Variants in OSBPL3 observed in about 807,000 individuals in gnomAD.
OSBPL3 encodes the protein oxysterol binding protein like 3, also known as oxysterol-binding protein-related protein 3.
OSBPL3 carries 65 observed loss-of-function variants against 120.1 expected under a neutral mutation model. The ratio of observed to expected loss-of-function variants is 0.54; its 90% CI spans 0.44 to 0.67. OSBPL3 has a LOEUF of 0.67. OSBPL3 is among the 30% of genes least tolerant of loss of function. The probability of loss-of-function intolerance (pLI) is 0.00; values close to 1 mark genes in which losing one functional copy is unlikely to be tolerated. For missense variants in OSBPL3, 1,004 were observed against 1,082.1 expected (o/e 0.93, Z 1.01); for synonymous variants, 416 against 402.6 (o/e 1.03, Z -0.40).
At position 24,809,909 on chromosome 7, in the gene OSBPL3, C is replaced by T. The variant is rs2128114149; in HGVS notation, c.2215G>A (p.Val739Met). ...ACCGCTTTTCCACTCCTGTCAAACA[C>T]TGTGCCTTCAATCTCATGGGCATTA... Reference protein sequence around the residue: ...STNAHEIEGTVFDRSGKAVHR... With the variant: ...STNAHEIEGTMFDRSGKAVHR... Residue 739 changes from valine to methionine, a missense_variant, in exon 20 of 23, where the codon GTG becomes ATG. Val to Met is a conservative substitution (Grantham distance 21, BLOSUM62 1). Transcript: ENST00000313367. 6 of 1,614,190 alleles carry T rather than the reference C, an allele frequency of 3.7e-6. No homozygotes were observed. Among genetic ancestry groups the T allele is most frequent in the South Asian group, 2.2e-5 (2 of 91,086 alleles).
In OSBPL3 at chr7:24,863,627, C is replaced by A. The variant is rs761508852; in HGVS notation, c.674-28G>T. ...GTGGGGGAAAAGAGGACAGTGCTCA[C>A]AATGCTCCACTAGCAAGAGGGATCA... On this transcript the variant is annotated intron_variant, in intron 7 of 22. Transcript: ENST00000313367. This position sits in a 1 kb window ranked among gnomAD's most constrained non-coding sequence, Gnocchi z 5.8. 1 of 1,380,646 alleles carries A rather than the reference C, an allele frequency of 7.2e-7. No homozygotes were observed. Among genetic ancestry groups the A allele is most frequent in the Non-Finnish European group, 1.0e-6 (1 of 967,120 alleles). 85.5% of individuals were successfully genotyped at this position (1,380,646 alleles called of 1,614,324 possible). A position where few individuals can be genotyped will look rare whatever the true frequency, so the allele number is the denominator to read the frequency against.
At chr7:24,832,551 G>T (rs1324442298) in intron 15 of OSBPL3, among the ~76,000 whole-genome samples, 9 of 149,474 alleles carry the variant, frequency 6.0e-5, no homozygotes, top group Non-Finnish European at 1.2e-4. Flanking sequence ...AAAATCAACT[G>T]CACTCAAGTC....
At chr7:24,917,401 CATATAT>C (rs59525014) in intron 1 of OSBPL3, among the ~76,000 whole-genome samples, 9,113 of 99,990 alleles carry the variant, frequency 0.091, 535 homozygotes, top group Middle Eastern at 0.1. Context: ...ATATTTGTAA[CATATAT>C]ATATATATAT....
chr7:24,914,721 T>C (rs145656201), intron 1 of OSBPL3, among the ~76,000 whole-genome samples: 342 of 152,310 alleles, frequency 2.2e-3, no homozygotes, highest in African/African-American at 7.9e-3. Context: ...ATTTCCTCTA[T>C]TGTCTGGATA....
rs762742535 is a variant in OSBPL3 at position 24,806,733 on chromosome 7, G to A, written c.2444+43C>T. 1 of 1,586,446 alleles carries A rather than the reference G, an allele frequency of 6.3e-7. No homozygotes were observed. The highest frequency in any genetic ancestry group is 8.6e-7 in the Non-Finnish European group (1 of 1,164,102). On this transcript the variant is annotated intron_variant, in intron 21 of 22. Coordinates refer to ENST00000313367, the MANE Select transcript of OSBPL3 (RefSeq NM_015550.4). This position sits in a 1 kb window ranked among gnomAD's most constrained non-coding sequence, Gnocchi z 5.2. ...ATTGTTAATAAGACTTTTTGTAAAG[G>A]GTTTTACATCTCTGGAGAGAAAAAT...
In OSBPL3 at chr7:24,871,139, G is replaced by A. The variant is rs1802050997; in HGVS notation, c.268-294C>T. On this transcript the variant is annotated intron_variant, in intron 4 of 22. Coordinates refer to ENST00000313367, the MANE Select transcript of OSBPL3 (RefSeq NM_015550.4). The surrounding 1 kb of genome is among the most constrained non-coding windows in gnomAD (Gnocchi z 4.8). The stretch of plus-strand genomic sequence containing the variant: ...GGAAACAAAAGAGTAAGCACCGTGG[G>A]TTGACTCCCATGGCAGTGAATTCAC... Among the ~76,000 whole-genome samples, 2 of 152,244 alleles carry A rather than the reference G, an allele frequency of 1.3e-5. No individual in the cohort carries two copies. The highest frequency in any genetic ancestry group is 4.8e-5 in the African/African-American group (2 of 41,452).
intron 14 of OSBPL3, among the ~76,000 whole-genome samples, chr7:24,839,591 T>C (rs1295199293): frequency 1.3e-5 from 2 of 152,188 alleles, no homozygotes; most frequent in African/African-American, 4.8e-5. Flanking sequence ...TCATATCTTT[T>C]ATTATGTAAG....
intron 1 of OSBPL3, among the ~76,000 whole-genome samples, chr7:24,928,517 T>G (rs1388430536): frequency 6.6e-6 from 1 of 152,092 alleles, no homozygotes; most frequent in South Asian, 2.1e-4. Context: ...AATTACCCAG[T>G]CTCAGGGTAT....
intron 1 of OSBPL3, among the ~76,000 whole-genome samples, chr7:24,926,962 G>C (rs1397440984): frequency 6.6e-6 from 1 of 152,202 alleles, no homozygotes. Flanking sequence ...GCATTATTTT[G>C]AGTTGAATGG....
rs756562189 is a variant in OSBPL3 at position 24,952,902 on chromosome 7, G to A, written c.-150+26984C>T. ...TGTAATCTCAGCACTTTAGGGGGCA[G>A]AGGTGGTAGGATCCCTGGAGCCCAG... On this transcript the variant is annotated intron_variant, in intron 1 of 22. Transcript: ENST00000313367. The surrounding 1 kb of genome is among the most constrained non-coding windows in gnomAD (Gnocchi z 4.4). Among the ~76,000 whole-genome samples the A allele has an allele frequency of 1.1e-4, 16 of 152,184 alleles. No individual in the cohort carries two copies. Among genetic ancestry groups the A allele is most frequent in the Non-Finnish European group, 1.8e-4 (12 of 68,044 alleles).
chr7:24,906,335 G>T, intron 1 of OSBPL3: 1 of 240,110 alleles, frequency 4.2e-6, no homozygotes, highest in South Asian at 4.7e-5. Context: ...TCATACCAGG[G>T]CAAAGAGGAG....
At chr7:24,904,920 T>TAG (rs369450254) in intron 1 of OSBPL3, among the ~76,000 whole-genome samples, 7 of 83,920 alleles carry the variant, frequency 8.3e-5, no homozygotes, top group African/African-American at 3.5e-4. Flanking sequence ...AATATACAGG[T>TAG]GTGTGTGTGT....
At chr7:24,861,212 C>A (rs1293415146) in intron 10 of OSBPL3, among the ~76,000 whole-genome samples, 2 of 152,150 alleles carry the variant, frequency 1.3e-5, no homozygotes, top group African/African-American at 2.4e-5. Flanking sequence ...TTTGATGTGA[C>A]AATGCAAAAT....
chr7:24,831,023 T>G lies in OSBPL3; in HGVS notation c.1747-118A>C. On this transcript the variant is annotated intron_variant, in intron 15 of 22. Transcript: ENST00000313367. This position sits in a 1 kb window ranked among gnomAD's most constrained non-coding sequence, Gnocchi z 4.0. Reference sequence around the variant, plus strand: ...TCTTTCAGAAAGCCAAAGATTTGTCTTTGGTTGTTTTTAAACAACATAGGT... The same window carrying G: ...TCTTTCAGAAAGCCAAAGATTTGTCGTTGGTTGTTTTTAAACAACATAGGT... 9.7e-7 allele frequency: 1 copy of G among 1,036,158 alleles called. No individual in the cohort carries two copies. Among genetic ancestry groups the G allele is most frequent in the South Asian group, 2.1e-5 (1 of 48,550 alleles). 64.2% of individuals were successfully genotyped at this position (1,036,158 alleles called of 1,614,324 possible).
intron 1 of OSBPL3, among the ~76,000 whole-genome samples, chr7:24,976,200 G>T (rs76703877): frequency 7.9e-5 from 12 of 152,138 alleles, no homozygotes; most frequent in Non-Finnish European, 5.9e-5. Flanking sequence ...TTGCCCTGAG[G>T]ATTAAATGCA....
rs761353383 is a variant in OSBPL3, at chr7:24,873,356, C to A, written c.97-1287G>T. Among the ~76,000 whole-genome samples, 1 of 152,180 alleles carries A rather than the reference C, an allele frequency of 6.6e-6. No homozygotes were observed. Among genetic ancestry groups the A allele is most frequent in the African/African-American group, 2.4e-5 (1 of 41,448 alleles). ...TTCTGTGTTGTCCTCAAGTTCAATA[C>A]GTGGGACCCACCTGGTAATGAGAAC... On this transcript the variant is annotated intron_variant, in intron 2 of 22. Transcript: ENST00000313367. This position sits in a 1 kb window ranked among gnomAD's most constrained non-coding sequence, Gnocchi z 4.1.
chr7:24,925,831 A>T (rs1489204096), intron 1 of OSBPL3, among the ~76,000 whole-genome samples: 1 of 152,258 alleles, frequency 6.6e-6, no homozygotes, highest in Non-Finnish European at 1.5e-5. Flanking sequence ...TCGGCTGGCT[A>T]GCTTTATTTA....
chr7:24,871,591 C>T lies in OSBPL3; in HGVS notation c.267+151G>A. ...GACCTGGTGGAAGAACTGAGCCTGC[C>T]TGGAACCCAGAGCTCAGACAGAAGT... On this transcript the variant is annotated intron_variant, in intron 4 of 22. Transcript: ENST00000313367. The surrounding 1 kb of genome is among the most constrained non-coding windows in gnomAD (Gnocchi z 4.8). 1 of 644,208 alleles carries T rather than the reference C, an allele frequency of 1.6e-6. No homozygotes were observed. The allele number at this position is 644,208 out of a possible 1,614,324, so 39.9% of individuals were successfully genotyped here. A position where few individuals can be genotyped will look rare whatever the true frequency, so the allele number is the denominator to read the frequency against.
At chr7:24,897,081 AGAGG>A (rs1174428365) in intron 1 of OSBPL3, among the ~76,000 whole-genome samples, 3 of 144,210 alleles carry the variant, frequency 2.1e-5, no homozygotes, top group East Asian at 2.4e-4. Flanking sequence ...GGGAGGGAAG[AGAGG>A]GAGGGAGGGA....
Sources: allele counts gnomAD v4.1 joint callset (sites outside exome capture counted in the v4.1 genomes callset), GRCh38; gene constraint gnomAD v4.1.1; non-coding constraint Gnocchi (gnomAD v3.1); transcripts MANE v1.5; gene names NCBI Gene and HGNC (gene_info 2026-07-23, HGNC 2026-07-21).